Variants in TMEM30A observed in about 807,000 individuals in gnomAD.
The protein encoded by TMEM30A is cell cycle control protein 50A.
In TMEM30A, 24 loss-of-function variants were observed where a neutral mutation model predicts 38.2. That is an observed-to-expected ratio of 0.63 (90% CI 0.46 to 0.88). TMEM30A has a LOEUF of 0.88. Ranked by LOEUF, TMEM30A falls within the 40% of genes least tolerant of loss-of-function variation. The pLI is 0.00. For synonymous variants in TMEM30A, 145 were observed against 161.6 expected, an observed-to-expected ratio of 0.90 and a Z score of 0.78; for missense variants, 370 against 458.6, an observed-to-expected ratio of 0.81 and a Z score of 1.77.
chr6:75,254,714 A>G lies in TMEM30A; in HGVS notation c.*1388T>C, dbSNP rs145656334. ...TAAACAGGCATTCTTCTACACAAACATGAGTTATTTCAGTAAAAAAACAAC... is the reference window on the plus strand; with the variant it reads ...TAAACAGGCATTCTTCTACACAAACGTGAGTTATTTCAGTAAAAAAACAAC... On this transcript the variant is annotated 3_prime_UTR_variant, in exon 7 of 7. Coordinates refer to ENST00000230461, the MANE Select transcript of TMEM30A (RefSeq NM_018247.4). The G allele has an allele frequency of 5.9e-5, 9 of 152,572 alleles. No homozygotes were observed. The highest frequency in any genetic ancestry group is 1.9e-4 in the African/African-American group (8 of 41,582). 9.5% of individuals were successfully genotyped at this position (152,572 alleles called of 1,614,324 possible).
At chr6:75,259,617 T>C in intron 4 of TMEM30A, 127 bp from the exon 5 acceptor site, 1 of 681,042 alleles carries the variant, frequency 1.5e-6, no homozygotes, top group Non-Finnish European at 2.3e-6. Flanking sequence ...AGGCATATGA[T>C]TCACATTTGT....
In TMEM30A at chr6:75,284,633, C is replaced by T. The variant is rs375918573; in HGVS notation, c.6G>A (p.Ala2=). 1 of 1,612,974 alleles carries T rather than the reference C, an allele frequency of 6.2e-7. No homozygotes were observed. Among genetic ancestry groups the T allele is most frequent in the Admixed American group, 1.7e-5 (1 of 60,026 alleles). M[A]MNYNAKDEVD... ...CTTCATCCTTCGCGTTATAGTTCAT[C>T]GCCATCGATCCCTGGGGCGCCGCTC... is the stretch of plus-strand genomic sequence containing the variant. Residue 2 remains alanine (A), a synonymous_variant, in exon 1 of 7, where the codon GCG becomes GCA. Transcript: ENST00000230461.
At chr6:75,259,079 G>T (rs1007096698) in intron 5 of TMEM30A, 93 bp from the exon 6 acceptor site, 6 of 1,082,282 alleles carry the variant, frequency 5.5e-6, no homozygotes, top group Non-Finnish European at 7.9e-6. Flanking sequence ...AATAAATAGG[G>T]GTTTATTCAA....
chr6:75,268,745 G>A (rs1772113986), intron 1 of TMEM30A, among the ~76,000 whole-genome samples: 1 of 152,116 alleles, frequency 6.6e-6, no homozygotes, highest in Non-Finnish European at 1.5e-5. Flanking sequence ...GCGAGGTAGT[G>A]AGAATGGTCT....
At chr6:75,280,799 C>CT (rs1354653688) in intron 1 of TMEM30A, among the ~76,000 whole-genome samples, 1 of 152,144 alleles carries the variant, frequency 6.6e-6, no homozygotes, top group African/African-American at 2.4e-5. Flanking sequence ...AGTGCCTAAT[C>CT]TTTAACGATA....
At chr6:75,274,929 T>C (rs1044504100) in intron 1 of TMEM30A, among the ~76,000 whole-genome samples, 2 of 150,218 alleles carry the variant, frequency 1.3e-5, no homozygotes, top group African/African-American at 4.9e-5. Context: ...GAGAACGGCA[T>C]GAACCTGGGA....
At position 75,253,299 on chromosome 6, in the gene TMEM30A, C is replaced by T. The variant is rs566090785; in HGVS notation, c.*2803G>A. The T allele has an allele frequency of 6.6e-6, 1 of 152,132 alleles. No individual in the cohort carries two copies. The highest frequency in any genetic ancestry group is 1.5e-5 in the Non-Finnish European group (1 of 68,004). The allele number at this position is 152,132 out of a possible 1,614,324, so 9.4% of individuals were successfully genotyped here. The stretch of plus-strand genomic sequence containing the variant: ...CTAGTCAGGTTTTTCCTGTGTACCC[C>T]ACTTCATTATTTCCATCATGCTTAC... On this transcript the variant is annotated 3_prime_UTR_variant, in exon 7 of 7. Coordinates refer to ENST00000230461, the MANE Select transcript of TMEM30A (RefSeq NM_018247.4).
chr6:75,279,182 G>A (rs1208731889), intron 1 of TMEM30A, among the ~76,000 whole-genome samples: 1 of 152,192 alleles, frequency 6.6e-6, no homozygotes, highest in Non-Finnish European at 1.5e-5. Flanking sequence ...ACTATTCCCA[G>A]AGATGCACTT....
intron 5 of TMEM30A, 100 bp from the exon 6 acceptor site, chr6:75,259,086 T>C (rs1771919806): frequency 3.8e-6 from 4 of 1,039,458 alleles, no homozygotes; most frequent in East Asian, 2.6e-5. Flanking sequence ...AGGGGTTTAT[T>C]CAAAAGAAGC....
chr6:75,261,776 G>A (rs1228925252), intron 3 of TMEM30A, among the ~76,000 whole-genome samples: 1 of 152,140 alleles, frequency 6.6e-6, no homozygotes, highest in Non-Finnish European at 1.5e-5. Flanking sequence ...TATTCTCCAT[G>A]TCTAGATTGG....
chr6:75,259,608 G>T, intron 4 of TMEM30A, 118 bp from the exon 5 acceptor site: 1 of 799,904 alleles, frequency 1.3e-6, no homozygotes, highest in Non-Finnish European at 1.8e-6. Context: ...TGACAGAGTA[G>T]GCATATGATT....
rs1772433331 is a variant in TMEM30A at position 75,284,648 on chromosome 6, G to A, written c.-10C>T. ...TATAGTTCATCGCCATCGATCCCTG[G>A]GGCGCCGCTCCGCGATTTGCAGGTG... is the stretch of plus-strand genomic sequence containing the variant. On this transcript the variant is annotated 5_prime_UTR_variant, in exon 1 of 7. Coordinates refer to ENST00000230461, the MANE Select transcript of TMEM30A (RefSeq NM_018247.4). The A allele has an allele frequency of 1.2e-6, 2 of 1,611,640 alleles. No individual in the cohort carries two copies. Among genetic ancestry groups the A allele is most frequent in the Non-Finnish European group, 1.7e-6 (2 of 1,179,842 alleles).
In TMEM30A at chr6:75,254,795, T is replaced by C. The variant is rs750020044; in HGVS notation, c.*1307A>G. ...CACCTCTGATTAATACATATTTTCA[T>C]GCATGTGGAAAAATTATTTTTAACT... On this transcript the variant is annotated 3_prime_UTR_variant, in exon 7 of 7. Transcript: ENST00000230461. The C allele has an allele frequency of 5.2e-5, 8 of 152,532 alleles. No homozygotes were observed. Among genetic ancestry groups the C allele is most frequent in the South Asian group, 4.1e-4 (2 of 4,832 alleles). The allele number at this position is 152,532 out of a possible 1,614,324, so 9.4% of individuals were successfully genotyped here.
chr6:75,257,568 T>C (rs974376793), intron 6 of TMEM30A, among the ~76,000 whole-genome samples: 2 of 152,176 alleles, frequency 1.3e-5, no homozygotes, highest in African/African-American at 4.8e-5. Flanking sequence ...AGCTACTCTC[T>C]AGTTTGACTA....
At chr6:75,261,370 A>G (rs1350839276) in intron 3 of TMEM30A, among the ~76,000 whole-genome samples, 2 of 152,210 alleles carry the variant, frequency 1.3e-5, no homozygotes, top group Non-Finnish European at 2.9e-5. Flanking sequence ...CAACTATACA[A>G]TCTGAAATTT....
intron 2 of TMEM30A, among the ~76,000 whole-genome samples, chr6:75,266,321 A>G (rs1168160419): frequency 2.0e-5 from 3 of 152,204 alleles, no homozygotes; most frequent in African/African-American, 7.2e-5. Context: ...TTCCCATTCT[A>G]TATAAAGAAA....
At position 75,260,912 on chromosome 6, in the gene TMEM30A, C is replaced by A; in HGVS notation, c.454-1G>T. Reference sequence around the variant, plus strand: ...AAGGTTCACATTCCTTACTGGGATTCTGGTTTTTACAAGGAAAAGAAGAGA... The same window carrying A: ...AAGGTTCACATTCCTTACTGGGATTATGGTTTTTACAAGGAAAAGAAGAGA... On this transcript the variant is annotated splice_acceptor_variant, in intron 3 of 6. Transcript: ENST00000230461. LOFTEE classifies it high-confidence loss of function. 6.3e-7 allele frequency: 1 copy of A among 1,592,650 alleles called. No homozygotes were observed. The highest frequency in any genetic ancestry group is 1.2e-5 in the South Asian group (1 of 86,428).
At chr6:75,270,335 A>C (rs1048350224) in intron 1 of TMEM30A, among the ~76,000 whole-genome samples, 4 of 152,116 alleles carry the variant, frequency 2.6e-5, no homozygotes, top group Non-Finnish European at 5.9e-5. Flanking sequence ...TTGCCACCTG[A>C]ATGTTATGAA....
At chr6:75,260,011 C>A (rs1771935427) in intron 4 of TMEM30A, among the ~76,000 whole-genome samples, 1 of 151,990 alleles carries the variant, frequency 6.6e-6, no homozygotes, top group Admixed American at 6.6e-5. Flanking sequence ...GTATTATATG[C>A]CGAAATAACA....
Sources: gnomAD v4.1 joint callset for allele counts (sites outside exome capture counted in the v4.1 genomes callset) on GRCh38, gnomAD v4.1.1 for gene constraint, MANE v1.5 for transcripts, NCBI Gene and HGNC (gene_info 2026-07-23, HGNC 2026-07-21) for gene names.